RPAP1: variants seen among roughly 807,000 people sequenced by gnomAD.
RPAP1 encodes RNA polymerase II-associated protein 1.
RPAP1 carries 109 observed loss-of-function variants against 142.4 expected under a neutral mutation model. The observed-to-expected ratio is 0.77, with a 90% confidence interval of 0.66 to 0.90. RPAP1 has a LOEUF of 0.90. Among genes scored for constraint, RPAP1 ranks in the 40% least tolerant of loss-of-function variants. The pLI, the probability that RPAP1 is intolerant of heterozygous loss-of-function variation, is 0.00. For synonymous variants in RPAP1, 704 were observed against 738.9 expected (o/e 0.95, Z 0.77); for missense variants, 1,546 against 1,751.7 (o/e 0.88, Z 2.10).
chr15:41,533,525 C>G (rs1472567280), intron 6 of RPAP1: 1 of 149,044 alleles, frequency 6.7e-6, no homozygotes, highest in East Asian at 2.1e-4. Flanking sequence ...CTCATCTCTA[C>G]AAAAACCTTA....
rs1029439083 is a variant in RPAP1, at chr15:41,523,661, T to C, written c.2436+110A>G. 1.5e-4 allele frequency: 137 copies of C among 940,668 alleles called. 2 individuals carry two copies. The highest frequency in any genetic ancestry group is 1.1e-3 in the Middle Eastern group (4 of 3,516). 58.3% of individuals were successfully genotyped at this position (940,668 alleles called of 1,614,324 possible). ...GGGTAGGAATTAAAAGGGAAGATAG[T>C]AAATGGGGAAGTAGGAGTGGAGAGA... is the stretch of plus-strand genomic sequence containing the variant. On this transcript the variant is annotated intron_variant, in intron 17 of 24. Transcript: ENST00000304330.
intron 14 of RPAP1, 102 bp from the exon 15 acceptor site, chr15:41,525,250 C>T: frequency 1.1e-6 from 1 of 910,630 alleles, no homozygotes; most frequent in Non-Finnish European, 1.6e-6. Flanking sequence ...TGACCCAGGC[C>T]CCTCTGGTGC....
chr15:41,537,132 G>A lies in RPAP1; in HGVS notation c.-7C>T, dbSNP rs1566890215. 1 of 1,612,574 alleles carries A rather than the reference G, an allele frequency of 6.2e-7. No individual in the cohort carries two copies. Among genetic ancestry groups the A allele is most frequent in the Middle Eastern group, 1.7e-4 (1 of 6,056 alleles). On this transcript the variant is annotated 5_prime_UTR_variant, in exon 2 of 25. Transcript: ENST00000304330. ...GCTTCGGTCTCGACAGCATCTTGCT[G>A]CTCCAGCTGCCTCCCCAGTACGACT...
rs142411998 is a variant in RPAP1, at chr15:41,541,318, G to C, written c.-77+2901C>G. On this transcript the variant is annotated intron_variant, in intron 1 of 24. Coordinates refer to ENST00000304330, the MANE Select transcript of RPAP1 (RefSeq NM_015540.4). ...TGTGCCTGTACTCCCAGCTACTTGG[G>C]AGGCTGAGGCAGGAGAACGGTTTGA... is the stretch of plus-strand genomic sequence containing the variant. Among the ~76,000 whole-genome samples, 346 of 152,040 alleles carry C rather than the reference G, an allele frequency of 2.3e-3. 2 individuals carry two copies. Among genetic ancestry groups the C allele is most frequent in the African/African-American group, 8.2e-3 (338 of 41,458 alleles).
At chr15:41,540,052 A>G (rs1395941872) in intron 1 of RPAP1, among the ~76,000 whole-genome samples, 1 of 152,050 alleles carries the variant, frequency 6.6e-6, no homozygotes, top group Non-Finnish European at 1.5e-5. Flanking sequence ...ATAATAATAA[A>G]ATAAAATGAT....
intron 9 of RPAP1, 53 bp from the exon 10 acceptor site, chr15:41,528,389 A>G: frequency 8.1e-7 from 1 of 1,230,798 alleles, no homozygotes; most frequent in Non-Finnish European, 1.2e-6. Flanking sequence ...CAGTGCCCCC[A>G]AAACACCAAG....
intron 1 of RPAP1, among the ~76,000 whole-genome samples, chr15:41,537,624 G>A (rs545374263): frequency 6.4e-4 from 97 of 152,150 alleles, no homozygotes; most frequent in Non-Finnish European, 1.2e-3. Flanking sequence ...GCTCACGCCC[G>A]TAATCCCAGC....
In RPAP1 at chr15:41,522,154, C is replaced by T; in HGVS notation, c.2839G>A (p.Ala947Thr). The change falls in exon 20 of 25, where the codon GCC (alanine) becomes ACC (threonine). Residue 947 changes from alanine (A) to threonine (T), a missense_variant. Ala to Thr is a moderately conservative substitution (Grantham distance 58, BLOSUM62 0). This residue lies in a region of RPAP1 where 1,333 missense variants were observed against 1,486.6 expected (regional missense o/e 0.90). Transcript: ENST00000304330. The part of the protein sequence containing the change: ...APHLTPFSAW[A>T]LRHEYHLQYL... ...TGCAGGTGGTACTCATGGCGCAGGG[C>T]CCATGCAGAGAAAGGTGTGAGGTGT... 1 of 1,613,958 alleles carries T rather than the reference C, an allele frequency of 6.2e-7. No homozygotes were observed. The highest frequency in any genetic ancestry group is 8.5e-7 in the Non-Finnish European group (1 of 1,180,000).
chr15:41,523,465 G>A (rs2051753052), intron 17 of RPAP1, 111 bp from the exon 18 acceptor site: 2 of 711,550 alleles, frequency 2.8e-6, no homozygotes, highest in Non-Finnish European at 4.7e-6. Flanking sequence ...CACATTTGGA[G>A]GCTTCTGCAG....
In RPAP1 at chr15:41,527,229, C is replaced by T. The variant is rs1312241457; in HGVS notation, c.1684G>A (p.Val562Ile). ...ATGAGCACAGCCAGGATGTCAAGGA[C>T]CACCGCAGGTCCTGGGTATGTCACC... The part of the protein sequence containing the change: ...LEVTYPGPAV[V>I]LDILAVLIRL... Residue 562 changes from valine (V) to isoleucine (I), a missense_variant, in exon 13 of 25, where the codon GTC (valine) becomes ATC (isoleucine). Physicochemically the swap from Val to Ile is conservative, Grantham distance 29. Coordinates refer to ENST00000304330, the MANE Select transcript of RPAP1 (RefSeq NM_015540.4). The T allele has an allele frequency of 1.2e-6, 2 of 1,614,096 alleles. No homozygotes were observed. The highest frequency in any genetic ancestry group is 1.7e-6 in the Non-Finnish European group (2 of 1,180,056).
chr15:41,528,343 C>T lies in RPAP1; in HGVS notation c.1159-7G>A. ...GTAGGGAATACCCCGCTCTCTGGGG[C>T]AGGGACAAGAAGTCAGAAGCAGCCA... On this transcript the variant is annotated splice_polypyrimidine_tract_variant and splice_region_variant and intron_variant, in intron 9 of 24. Transcript: ENST00000304330. 1 of 1,575,348 alleles carries T rather than the reference C, an allele frequency of 6.3e-7. No individual in the cohort carries two copies. The highest frequency in any genetic ancestry group is 8.6e-7 in the Non-Finnish European group (1 of 1,158,516).
At chr15:41,527,804 A>G in intron 11 of RPAP1, 56 bp downstream of exon 11, 1 of 1,598,708 alleles carries the variant, frequency 6.3e-7, no homozygotes, top group Non-Finnish European at 8.5e-7. Flanking sequence ...GCCCAGGAAC[A>G]GGAATATGGA....
At chr15:41,531,374 C>A (rs1313434656) in intron 6 of RPAP1, among the ~76,000 whole-genome samples, 172 bp from the exon 7 acceptor site, 3 of 151,990 alleles carry the variant, frequency 2.0e-5, no homozygotes, top group Admixed American at 2.0e-4. Flanking sequence ...ATGACCCAGC[C>A]TTCTCACACC....
intron 6 of RPAP1, among the ~76,000 whole-genome samples, chr15:41,531,619 A>T (rs1328566886): frequency 0.019 from 521 of 27,194 alleles, 35 homozygotes; most frequent in Non-Finnish European, 0.023. Context: ...ATATATATAT[A>T]TATATATATT....
chr15:41,536,349 G>A (rs1384698699), intron 3 of RPAP1, 131 bp from the exon 4 acceptor site: 4 of 1,309,168 alleles, frequency 3.1e-6, no homozygotes, highest in Non-Finnish European at 4.3e-6. Flanking sequence ...TCCCTTCAGG[G>A]CAGTGATTCT....
rs571544381 is a variant in RPAP1 at position 41,522,777 on chromosome 15, C to G, written c.2730G>C (p.Gly910=). ...ACCCCACACTTACCTGGCCACACAG[C>G]CCCTTGTGGATCTGGGCCAGGGTAT... is the stretch of plus-strand genomic sequence containing the variant. The part of the protein sequence containing the change: ...LLNTLAQIHK[G]LCGQLAAILA... The change falls in exon 19 of 25, where the codon GGG becomes GGC. Residue 910 remains glycine, a synonymous_variant. Coordinates refer to ENST00000304330, the MANE Select transcript of RPAP1 (RefSeq NM_015540.4). The G allele has an allele frequency of 6.4e-7, 1 of 1,562,566 alleles. No homozygotes were observed. The highest frequency in any genetic ancestry group is 1.2e-5 in the South Asian group (1 of 80,748).
At chr15:41,538,750 A>G (rs2051940690) in intron 1 of RPAP1, among the ~76,000 whole-genome samples, 1 of 152,222 alleles carries the variant, frequency 6.6e-6, no homozygotes, top group Non-Finnish European at 1.5e-5. Context: ...CCATGGCACA[A>G]AGGCAAAAAA....
At chr15:41,536,282 C>G in intron 3 of RPAP1, 64 bp from the exon 4 acceptor site, 1 of 1,488,952 alleles carries the variant, frequency 6.7e-7, no homozygotes. Context: ...TGGACCCGAT[C>G]CTATTAGCCC....
rs754432723 is a variant in RPAP1, at chr15:41,527,411, C to T, written c.1611+12G>A. On this transcript the variant is annotated intron_variant, in intron 12 of 24. Coordinates refer to ENST00000304330, the MANE Select transcript of RPAP1 (RefSeq NM_015540.4). The stretch of plus-strand genomic sequence containing the variant: ...CCTGGGCCATGGGATGGGAAAGAAG[C>T]TGTCCCTTTACCTTGATGACATCAT... 34 of 1,613,730 alleles carry T rather than the reference C, an allele frequency of 2.1e-5. No individual in the cohort carries two copies. The South Asian group carries it at 3.4e-4, about 16-fold the overall frequency.
Sources: gnomAD v4.1 joint callset for allele counts (sites outside exome capture counted in the v4.1 genomes callset) on GRCh38, gnomAD v4.1.1 for gene constraint, gnomAD v4.1.1 regional missense constraint, MANE v1.5 for transcripts, NCBI Gene and HGNC (gene_info 2026-07-23, HGNC 2026-07-21) for gene names.